CDH18: variants seen among roughly 807,000 people sequenced by gnomAD.
The protein encoded by CDH18 is cadherin 18, also known as cadherin-18.
In CDH18, 31 loss-of-function variants were observed where a neutral mutation model predicts 67.9. The observed-to-expected ratio is 0.46, with a 90% confidence interval of 0.34 to 0.62. The LOEUF is 0.62. Among genes scored for constraint, CDH18 ranks in the 20% least tolerant of loss-of-function variants. The pLI, the probability that CDH18 is intolerant of heterozygous loss-of-function variation, is 0.01. For missense variants in CDH18, 890 were observed against 975.5 expected (o/e 0.91, Z 1.17); for synonymous variants, 362 against 347.2 (o/e 1.04, Z -0.48).
At chr5:20,394,810 T>G (rs1030225977) in intron 1 of CDH18, among the ~76,000 whole-genome samples, 36 of 151,598 alleles carry the variant, frequency 2.4e-4, no homozygotes, top group African/African-American at 8.2e-4. Context: ...GACATACAAA[T>G]GGCCAACAAA....
At chr5:20,005,500 G>C (rs7717934) in intron 2 of CDH18, among the ~76,000 whole-genome samples, 16,520 of 151,024 alleles carry the variant, frequency 0.11, 2,493 homozygotes, top group African/African-American at 0.34. Context: ...TTTGAGAAAT[G>C]ACCATTAGAC....
At chr5:19,971,858 A>AAG (rs35822383) in intron 2 of CDH18, among the ~76,000 whole-genome samples, 8 of 126,942 alleles carry the variant, frequency 6.3e-5, no homozygotes, top group African/African-American at 1.5e-4. Context: ...TAAAAAAAAA[A>AAG]AGAGAGAGAG....
intron 1 of CDH18, among the ~76,000 whole-genome samples, chr5:20,374,884 T>C (rs1270129903): frequency 6.6e-6 from 1 of 152,182 alleles, no homozygotes; most frequent in Non-Finnish European, 1.5e-5. Flanking sequence ...ACATTAAATG[T>C]CAAAATGGAG....
intron 5 of CDH18, among the ~76,000 whole-genome samples, chr5:19,613,691 A>G (rs900281380): frequency 3.3e-5 from 5 of 152,168 alleles, no homozygotes; most frequent in African/African-American, 1.2e-4. Context: ...TAGCTCTGTT[A>G]ATAGAGTCTT....
intron 2 of CDH18, among the ~76,000 whole-genome samples, chr5:20,000,153 G>GA (rs1460286802): frequency 6.6e-6 from 1 of 152,142 alleles, no homozygotes; most frequent in African/African-American, 2.4e-5. Flanking sequence ...AGATGAATTA[G>GA]AATAAGAGCC....
chr5:19,915,860 A>G (rs1344993352), intron 2 of CDH18, among the ~76,000 whole-genome samples: 1 of 152,172 alleles, frequency 6.6e-6, no homozygotes, highest in Non-Finnish European at 1.5e-5. Context: ...TCCAGCGACC[A>G]GATCATAGTT....
chr5:19,896,555 C>T (rs1178350853), intron 2 of CDH18, among the ~76,000 whole-genome samples: 2 of 152,050 alleles, frequency 1.3e-5, no homozygotes, highest in African/African-American at 2.4e-5. Flanking sequence ...ACAGATTCTT[C>T]CCTAGAGCCT....
intron 2 of CDH18, among the ~76,000 whole-genome samples, chr5:19,883,268 G>T (rs536893418): frequency 2.0e-5 from 3 of 152,230 alleles, no homozygotes; most frequent in East Asian, 3.9e-4. Context: ...CTTGAGAAAT[G>T]ATATAAACAG....
intron 1 of CDH18, among the ~76,000 whole-genome samples, chr5:20,480,510 C>T (rs1377161174): frequency 6.6e-6 from 1 of 152,070 alleles, no homozygotes; most frequent in Non-Finnish European, 1.5e-5. Context: ...CTGTGCCTCC[C>T]AGGTTCAAGC....
intron 1 of CDH18, among the ~76,000 whole-genome samples, chr5:20,574,304 T>C (rs539033329): frequency 1.3e-5 from 2 of 152,056 alleles, no homozygotes; most frequent in South Asian, 2.1e-4. Context: ...TTCAGACATG[T>C]GGGCTACTAC....
At chr5:20,267,519 T>C (rs1320680441) in intron 1 of CDH18, among the ~76,000 whole-genome samples, 1 of 152,194 alleles carries the variant, frequency 6.6e-6, no homozygotes, top group African/African-American at 2.4e-5. Flanking sequence ...ATAGATTGCT[T>C]CCAATTCATG....
chr5:19,529,164 T>C (rs1213976327), intron 9 of CDH18, among the ~76,000 whole-genome samples: 2 of 152,018 alleles, frequency 1.3e-5, no homozygotes, highest in Non-Finnish European at 2.9e-5. Context: ...ATACATTCAT[T>C]ATGACCAAGT....
chr5:20,281,943 G>C (rs571246060), intron 1 of CDH18, among the ~76,000 whole-genome samples: 1 of 152,182 alleles, frequency 6.6e-6, no homozygotes, highest in East Asian at 1.9e-4. Flanking sequence ...CTTGTAAGTT[G>C]GATTCCTAGG....
At position 19,687,615 on chromosome 5, in the gene CDH18, C is replaced by G. The variant is rs188919325; in HGVS notation, c.643+33732G>C. 3.3e-5 allele frequency among the ~76,000 whole-genome samples: 5 copies of G among 152,288 alleles called. No homozygotes were observed. In the East Asian group the frequency reaches 9.7e-4, roughly 30 times the overall value. ...ACCACTGAAAGCAAGCCTACCTCCA[C>G]CAGCAGTGGCAGGGCTCCAGTGCAG... On this transcript the variant is annotated intron_variant, in intron 5 of 12. Transcript: ENST00000382275.
chr5:19,625,741 C>T (rs1392347508), intron 5 of CDH18, among the ~76,000 whole-genome samples: 5 of 151,946 alleles, frequency 3.3e-5, no homozygotes, highest in Admixed American at 3.3e-4. Context: ...GGGAGGGGGT[C>T]CCTGGCAAAA....
chr5:19,968,933 C>T (rs1797753497), intron 2 of CDH18, among the ~76,000 whole-genome samples: 3 of 138,690 alleles, frequency 2.2e-5, no homozygotes, highest in Non-Finnish European at 4.5e-5. Flanking sequence ...AAAATTTTCA[C>T]AACCTACTCA....
At chr5:20,069,515 C>T (rs1249759030) in intron 2 of CDH18, among the ~76,000 whole-genome samples, 5 of 151,956 alleles carry the variant, frequency 3.3e-5, no homozygotes, top group East Asian at 3.9e-4. Context: ...CGGGTTCAAG[C>T]GAGTCTCCTG....
chr5:20,076,930 C>G (rs1042523984), intron 2 of CDH18, among the ~76,000 whole-genome samples: 3 of 152,056 alleles, frequency 2.0e-5, no homozygotes, highest in African/African-American at 7.2e-5. Flanking sequence ...TTCCATTTAT[C>G]AGCAAAAAGT....
chr5:20,322,992 G>A (rs1165561740), intron 1 of CDH18, among the ~76,000 whole-genome samples: 1 of 151,956 alleles, frequency 6.6e-6, no homozygotes, highest in African/African-American at 2.4e-5. Context: ...CAAAGAATAT[G>A]GCATTAATGG....
Sources: allele counts gnomAD v4.1 joint callset (sites outside exome capture counted in the v4.1 genomes callset), GRCh38; gene constraint gnomAD v4.1.1; transcripts MANE v1.5; gene names NCBI Gene and HGNC (gene_info 2026-07-23, HGNC 2026-07-21).